Variants in HMGCL observed in about 807,000 individuals in gnomAD.
HMGCL encodes the protein hydroxymethylglutaryl-CoA lyase, mitochondrial.
A neutral mutation model predicts 37.3 loss-of-function variants in HMGCL; 26 were observed. The observed-to-expected ratio is 0.70, with a 90% confidence interval of 0.51 to 0.97. The LOEUF (loss-of-function observed/expected upper bound fraction) is 0.97, where lower values mean the gene tolerates loss of function less well. Ranked by LOEUF, HMGCL falls within the 50% of genes least tolerant of loss-of-function variation. HMGCL has a pLI of 0.00. For synonymous variants in HMGCL, 151 were observed against 148.0 expected (o/e 1.02, Z -0.15); for missense variants, 379 against 398.1 (o/e 0.95, Z 0.41).
At chr1:23,804,638 G>A in intron 7 of HMGCL, 113 bp from the exon 8 acceptor site, 1 of 1,185,688 alleles carries the variant, frequency 8.4e-7, no homozygotes, top group Non-Finnish European at 1.2e-6. Flanking sequence ...GTCATTCTTT[G>A]CTTTGGCTTA....
chr1:23,813,012 C>T (rs1172824055), intron 5 of HMGCL, among the ~76,000 whole-genome samples: 1 of 152,036 alleles, frequency 6.6e-6, no homozygotes, highest in Non-Finnish European at 1.5e-5. Flanking sequence ...GCCTCAGCCT[C>T]CTGAGTAGCT....
rs1222957718 is a variant in HMGCL at position 23,806,520 on chromosome 1, C to G, written c.750+1615G>C. ...CTGGGTGGGGCTCCCTTCCCTCCCC[C>G]TCCCTGCTAGGGATCCGCAGGGCTC... On this transcript the variant is annotated intron_variant, in intron 7 of 8. Transcript: ENST00000374490. The surrounding 1 kb of genome is among the most constrained non-coding windows in gnomAD (Gnocchi z 4.0). 1.3e-5 allele frequency among the ~76,000 whole-genome samples: 2 copies of G among 152,192 alleles called. No individual in the cohort carries two copies. The highest frequency in any genetic ancestry group is 4.8e-5 in the African/African-American group (2 of 41,442).
rs143981931 is a variant in HMGCL at position 23,817,546 on chromosome 1, T to C, written c.182A>G (p.Asp61Gly). Residue 61 changes from aspartate to glycine, a missense_variant, in exon 3 of 9, where the codon GAC (aspartate) becomes GGC (glycine). Transcript: ENST00000374490. ...VSTPVKIKLIDMLSEAGLSVI... is the reference protein window; with the variant it reads ...VSTPVKIKLIGMLSEAGLSVI... ...AGAGAGTCCTGCTTCAGAAAGCATG[T>C]CTATCAGCTTGATTTTCACTGGAGT... 1.4e-4 allele frequency: 231 copies of C among 1,613,422 alleles called. No individual in the cohort carries two copies. Among genetic ancestry groups the C allele is most frequent in the Non-Finnish European group, 1.8e-4 (209 of 1,179,494 alleles).
At position 23,814,345 on chromosome 1, in the gene HMGCL, AC is replaced by A. The variant is rs1360046041; in HGVS notation, c.349-8del. The stretch of plus-strand genomic sequence containing the variant: ...CCTTGGCTCCAGCAGCAACCTGCCA[AC>A]ATCCAGGTGAACTCCTTTCAGCACT... On this transcript the variant is annotated splice_region_variant and splice_polypyrimidine_tract_variant and intron_variant, in intron 4 of 8. Coordinates refer to ENST00000374490, the MANE Select transcript of HMGCL (RefSeq NM_000191.3). The A allele has an allele frequency of 6.2e-7, 1 of 1,612,932 alleles. No individual in the cohort carries two copies. The highest frequency in any genetic ancestry group is 1.1e-5 in the South Asian group (1 of 91,000).
chr1:23,820,387 C>T (rs997648015), intron 2 of HMGCL, 123 bp downstream of exon 2: 1 of 756,598 alleles, frequency 1.3e-6, no homozygotes, highest in African/African-American at 1.7e-5. Context: ...CTCTACTCTC[C>T]CCTAACTTGT....
intron 7 of HMGCL, 51 bp downstream of exon 7, chr1:23,808,084 C>T (rs751564371): frequency 1.5e-5 from 22 of 1,498,950 alleles, no homozygotes; most frequent in Non-Finnish European, 9.3e-7. Context: ...TGATAACAAG[C>T]TGTCCTGCCC....
intron 1 of HMGCL, among the ~76,000 whole-genome samples, chr1:23,821,908 G>C (rs984310123): frequency 1.3e-5 from 2 of 152,014 alleles, no homozygotes; most frequent in Non-Finnish European, 2.9e-5. Context: ...TTGCAGAGAG[G>C]CTTCCTCTGA....
chr1:23,818,533 C>G (rs957947253), intron 2 of HMGCL, among the ~76,000 whole-genome samples: 1 of 152,108 alleles, frequency 6.6e-6, no homozygotes, highest in Admixed American at 6.6e-5. Flanking sequence ...TCTCCCACTG[C>G]TCTAACTTAA....
At position 23,802,491 on chromosome 1, in the gene HMGCL, T is replaced by C. The variant is rs777758512; in HGVS notation, c.950A>G (p.Lys317Arg). The C allele has an allele frequency of 2.9e-5, 46 of 1,613,798 alleles. No individual in the cohort carries two copies. The Middle Eastern group carries it at 4.9e-4, about 17-fold the overall frequency. The change falls in exon 9 of 9, where the codon AAA becomes AGA. Residue 317 changes from lysine (K) to arginine (R), a missense_variant. By Grantham distance (26) the Lys-to-Arg change is conservative. Transcript: ENST00000374490. ...GAGTTTACAGGTAGCCTGAGCCACT[T>C]TGGAGCTAGTTTTTCTGTTCAGGGC... ...CQALNRKTSS[K>R]VAQATCKL
intron 6 of HMGCL, chr1:23,809,459 C>G (rs1009516452): frequency 4.0e-5 from 6 of 151,274 alleles, no homozygotes; most frequent in Non-Finnish European, 5.9e-5. Context: ...AGGATGGTCT[C>G]GATCTCCTGA....
intron 2 of HMGCL, among the ~76,000 whole-genome samples, chr1:23,820,046 C>T (rs1463619948): frequency 6.6e-6 from 1 of 152,176 alleles, no homozygotes; most frequent in Non-Finnish European, 1.5e-5. Flanking sequence ...AGGAACACCC[C>T]CAAGGCTAAA....
intron 3 of HMGCL, among the ~76,000 whole-genome samples, chr1:23,817,254 C>T (rs1638628713): frequency 6.6e-6 from 1 of 152,158 alleles, no homozygotes; most frequent in Non-Finnish European, 1.5e-5. Context: ...AGGGGAAGGC[C>T]TTAGCAATGT....
At chr1:23,808,937 A>G (rs1387946659) in intron 6 of HMGCL, among the ~76,000 whole-genome samples, 2 of 150,096 alleles carry the variant, frequency 1.3e-5, no homozygotes, top group Non-Finnish European at 3.0e-5. Context: ...ACAGAGTCTC[A>G]CTCTGTCGCC....
At chr1:23,804,190 A>C in intron 8 of HMGCL, 1 of 642,024 alleles carries the variant, frequency 1.6e-6, no homozygotes, top group East Asian at 2.6e-5. Flanking sequence ...AGCTCACTGC[A>C]GCCTCAAACT....
In HMGCL at chr1:23,816,911, T is replaced by C. The variant is rs1357921694; in HGVS notation, c.253-141A>G. The stretch of plus-strand genomic sequence containing the variant: ...CTTCTGCAGAGCTGAGTCTCTCCAA[T>C]ACTTTTACTGTTTGTTTGACTGCTG... On this transcript the variant is annotated intron_variant, in intron 3 of 8. Transcript: ENST00000374490. 7.0e-6 allele frequency: 5 copies of C among 713,990 alleles called. No homozygotes were observed. In the African/African-American group the frequency reaches 8.7e-5, roughly 12 times the overall value. The allele number at this position is 713,990 out of a possible 1,614,324, so 44.2% of individuals were successfully genotyped here.
chr1:23,825,209 A>C lies in HMGCL; in HGVS notation c.60+147T>G, dbSNP rs1638794366. 5 of 673,800 alleles carry C rather than the reference A, an allele frequency of 7.4e-6. No homozygotes were observed. The Admixed American group carries it at 1.2e-4, about 17-fold the overall frequency. 41.7% of individuals were successfully genotyped at this position (673,800 alleles called of 1,614,324 possible). A position where few individuals can be genotyped will look rare whatever the true frequency, so the allele number is the denominator to read the frequency against. Reference sequence around the variant, plus strand: ...TTCAAAGGATTTGAGGGGAAAAGGGAGGGTCCAGGACTCCAACGCCCTCCC... The same window carrying C: ...TTCAAAGGATTTGAGGGGAAAAGGGCGGGTCCAGGACTCCAACGCCCTCCC... On this transcript the variant is annotated intron_variant, in intron 1 of 8. Transcript: ENST00000374490.
At chr1:23,813,729 GAT>G (rs1240579282) in intron 5 of HMGCL, 2 of 212,560 alleles carry the variant, frequency 9.4e-6, no homozygotes, top group Non-Finnish European at 9.7e-6. Context: ...TGGAACCACT[GAT>G]ATTAGAGATG....
At chr1:23,819,234 T>C in intron 2 of HMGCL, among the ~76,000 whole-genome samples, 1 of 152,048 alleles carries the variant, frequency 6.6e-6, no homozygotes, top group Non-Finnish European at 1.5e-5. Context: ...ATAAAAATTG[T>C]ATAAAAATAA....
At chr1:23,808,919 T>A (rs1187327614) in intron 6 of HMGCL, among the ~76,000 whole-genome samples, 1 of 150,892 alleles carries the variant, frequency 6.6e-6, no homozygotes, top group Non-Finnish European at 1.5e-5. Flanking sequence ...ATATATATAT[T>A]TTTTGAGACA....
Sources: allele counts gnomAD v4.1 joint callset (sites outside exome capture counted in the v4.1 genomes callset), GRCh38; gene constraint gnomAD v4.1.1; non-coding constraint Gnocchi (gnomAD v3.1); transcripts MANE v1.5; gene names NCBI Gene and HGNC (gene_info 2026-07-23, HGNC 2026-07-21).